BRINP3: variants seen among roughly 807,000 people sequenced by gnomAD.
BRINP3 encodes BMP/retinoic acid inducible neural specific 3.
A neutral mutation model predicts 71.0 loss-of-function variants in BRINP3; 19 were observed. The ratio of observed to expected loss-of-function variants is 0.27; its 90% CI spans 0.19 to 0.39. The LOEUF is 0.39. Among genes scored for constraint, BRINP3 ranks in the 10% least tolerant of loss-of-function variants. BRINP3 has a pLI of 1.00. For missense variants in BRINP3, 959 were observed against 940.8 expected (o/e 1.02, Z -0.25); for synonymous variants, 380 against 337.7 (o/e 1.13, Z -1.37).
At chr1:190,466,370 C>T (rs979371959) in intron 1 of BRINP3, among the ~76,000 whole-genome samples, 2 of 151,604 alleles carry the variant, frequency 1.3e-5, no homozygotes, top group African/African-American at 4.8e-5. Flanking sequence ...GTGAAATGAG[C>T]TGTTTACTTA....
chr1:190,247,921 C>T (rs185892349), intron 4 of BRINP3, among the ~76,000 whole-genome samples: 11 of 151,956 alleles, frequency 7.2e-5, no homozygotes, highest in African/African-American at 2.7e-4. Context: ...TTTATGGGTT[C>T]CCCCTAGACA....
At chr1:190,133,953 A>G (rs560667112) in intron 7 of BRINP3, among the ~76,000 whole-genome samples, 11 of 152,122 alleles carry the variant, frequency 7.2e-5, no homozygotes, top group Non-Finnish European at 1.5e-4. Flanking sequence ...AACAAAATAT[A>G]AAAGCAAAAC....
chr1:190,150,973 A>G (rs1656339526), intron 7 of BRINP3, among the ~76,000 whole-genome samples: 1 of 152,030 alleles, frequency 6.6e-6, no homozygotes, highest in Non-Finnish European at 1.5e-5. Flanking sequence ...CAGAATAGAA[A>G]CCCTGTCTCT....
At position 190,380,009 on chromosome 1, in the gene BRINP3, A is replaced by AAG. The variant is rs1201954778; in HGVS notation, c.236+74645_236+74646insCT. Among the ~76,000 whole-genome samples the AAG allele has an allele frequency of 1.3e-3, 163 of 124,740 alleles. 1 individual carries two copies. Among genetic ancestry groups the AAG allele is most frequent in the Non-Finnish European group, 6.7e-4 (37 of 55,596 alleles). The allele number at this position is 124,740 out of a possible 152,430, so 81.8% of individuals were successfully genotyped here. A position where few individuals can be genotyped will look rare whatever the true frequency, so the allele number is the denominator to read the frequency against. ...AGAGACTCCACCTCAAAAAAAAAAAAAAAGAAAAAAGAAAAAAGAAAAAAA... is the reference window on the plus strand; with the variant it reads ...AGAGACTCCACCTCAAAAAAAAAAAAAGAAAGAAAAAAGAAAAAAGAAAAAAA... On this transcript the variant is annotated intron_variant, in intron 2 of 7. Transcript: ENST00000367462.
chr1:190,101,883 TC>T (rs1423373047), intron 7 of BRINP3, among the ~76,000 whole-genome samples: 2 of 152,214 alleles, frequency 1.3e-5, no homozygotes, highest in African/African-American at 4.8e-5. Context: ...AGAACTTTTT[TC>T]AGCTTTCTGT....
chr1:190,178,583 G>T (rs1652760502), intron 6 of BRINP3, among the ~76,000 whole-genome samples: 1 of 151,934 alleles, frequency 6.6e-6, no homozygotes, highest in Non-Finnish European at 1.5e-5. Context: ...CCTGAATACT[G>T]GTTCTATGTA....
At chr1:190,189,219 T>C (rs1653814834) in intron 6 of BRINP3, among the ~76,000 whole-genome samples, 1 of 152,166 alleles carries the variant, frequency 6.6e-6, no homozygotes, top group African/African-American at 2.4e-5. Flanking sequence ...GAAGAATTTG[T>C]ATTAATTGTT....
At chr1:190,157,971 A>G (rs1571866595) in intron 7 of BRINP3, among the ~76,000 whole-genome samples, 1 of 152,120 alleles carries the variant, frequency 6.6e-6, no homozygotes, top group African/African-American at 2.4e-5. Flanking sequence ...AGTAACATGA[A>G]TGCAGCTTGA....
At chr1:190,470,894 A>T (rs1458135154) in intron 1 of BRINP3, among the ~76,000 whole-genome samples, 1 of 151,230 alleles carries the variant, frequency 6.6e-6, no homozygotes, top group African/African-American at 2.4e-5. Flanking sequence ...TTATTAGAGC[A>T]TCAATTAATT....
intron 2 of BRINP3, among the ~76,000 whole-genome samples, chr1:190,398,175 C>A (rs1301141207): frequency 6.6e-6 from 1 of 151,834 alleles, no homozygotes; most frequent in Non-Finnish European, 1.5e-5. Context: ...ATCATTAATG[C>A]TCCACTTAAC....
chr1:190,316,111 AG>A (rs1665864665), intron 2 of BRINP3, among the ~76,000 whole-genome samples: 1 of 151,400 alleles, frequency 6.6e-6, no homozygotes, highest in South Asian at 2.1e-4. Context: ...AATGACTGAG[AG>A]GTCAGTCCTA....
At chr1:190,457,787 A>G (rs1286180218) in intron 1 of BRINP3, among the ~76,000 whole-genome samples, 2 of 152,124 alleles carry the variant, frequency 1.3e-5, no homozygotes. Context: ...GATACAGTTG[A>G]CCTAGATGGC....
At chr1:190,278,317 A>G (rs550010007) in intron 3 of BRINP3, among the ~76,000 whole-genome samples, 14 of 151,670 alleles carry the variant, frequency 9.2e-5, no homozygotes, top group African/African-American at 1.9e-4. Context: ...CTTGGTCTTC[A>G]TTAATTAAGA....
At chr1:190,349,836 C>A (rs1668257708) in intron 2 of BRINP3, among the ~76,000 whole-genome samples, 1 of 152,014 alleles carries the variant, frequency 6.6e-6, no homozygotes, top group South Asian at 2.1e-4. Context: ...AAAGTGCTTA[C>A]CATTAGATAT....
intron 2 of BRINP3, among the ~76,000 whole-genome samples, chr1:190,368,144 G>A (rs1669627930): frequency 6.6e-6 from 1 of 152,092 alleles, no homozygotes; most frequent in African/African-American, 2.4e-5. Context: ...ATAAAGGAAA[G>A]GGGTTTAATT....
chr1:190,264,402 C>T (rs951583147), intron 4 of BRINP3, among the ~76,000 whole-genome samples: 1 of 152,226 alleles, frequency 6.6e-6, no homozygotes, highest in Middle Eastern at 3.4e-3. Flanking sequence ...ATCTTAAAAA[C>T]ATTGAGGGGT....
At chr1:190,413,833 T>C (rs988564323) in intron 2 of BRINP3, among the ~76,000 whole-genome samples, 4 of 152,242 alleles carry the variant, frequency 2.6e-5, no homozygotes, top group African/African-American at 9.6e-5. Context: ...ATGCCTATGT[T>C]ATATTGTTAA....
chr1:190,413,375 C>T (rs1433407183), intron 2 of BRINP3, among the ~76,000 whole-genome samples: 3 of 152,030 alleles, frequency 2.0e-5, no homozygotes. Context: ...TGATATCAGG[C>T]CCTAATCCTT....
At position 190,161,388 on chromosome 1, in the gene BRINP3, A is replaced by G. The variant is rs181053587; in HGVS notation, c.962-498T>C. On this transcript the variant is annotated intron_variant, in intron 6 of 7. Transcript: ENST00000367462. ...TAAAGAAAAACAAAAACCTTTTTAA[A>G]TATAAAATTTTAGATTTTAAATATA... Among the ~76,000 whole-genome samples the G allele has an allele frequency of 3.0e-3, 450 of 151,640 alleles. 1 individual carries two copies. Among genetic ancestry groups the G allele is most frequent in the Non-Finnish European group, 5.5e-3 (375 of 67,776 alleles).
Sources: gnomAD v4.1 joint callset for allele counts (sites outside exome capture counted in the v4.1 genomes callset) on GRCh38, gnomAD v4.1.1 for gene constraint, MANE v1.5 for transcripts, NCBI Gene and HGNC (gene_info 2026-07-23, HGNC 2026-07-21) for gene names.